DRC7: variants seen among roughly 807,000 people sequenced by gnomAD.
DRC7 encodes dynein regulatory complex subunit 7.
In DRC7, 80 loss-of-function variants were observed where a neutral mutation model predicts 104.4. That is an observed-to-expected ratio of 0.77 (90% CI 0.64 to 0.92). DRC7 has a LOEUF of 0.92. Ranked by LOEUF, DRC7 falls within the 40% of genes least tolerant of loss-of-function variation. The pLI, the probability that DRC7 is intolerant of heterozygous loss-of-function variation, is 0.00. For synonymous variants in DRC7, 405 were observed against 447.3 expected (o/e 0.91, Z 1.19); for missense variants, 1,034 against 1,141.1 (o/e 0.91, Z 1.35).
chr16:57,718,015 C>G (rs1327634936), intron 8 of DRC7, among the ~76,000 whole-genome samples: 1 of 152,240 alleles, frequency 6.6e-6, no homozygotes, highest in Non-Finnish European at 1.5e-5. Flanking sequence ...CTAAGCACTG[C>G]CCAGCCGATG....
chr16:57,715,193 AT>A (rs1257196632), intron 8 of DRC7, among the ~76,000 whole-genome samples: 2 of 152,100 alleles, frequency 1.3e-5, no homozygotes, highest in Non-Finnish European at 2.9e-5. Flanking sequence ...GATTACAGGC[AT>A]GCACTACCAC....
At chr16:57,706,474 C>T (rs2048729740) in intron 7 of DRC7, among the ~76,000 whole-genome samples, 1 of 144,290 alleles carries the variant, frequency 6.9e-6, no homozygotes, top group Admixed American at 6.9e-5. Context: ...ATCCATCCTC[C>T]CATCCATCCG....
chr16:57,730,834 T>C (rs2049053634), intron 17 of DRC7, 97 bp from the exon 18 acceptor site: 2 of 1,362,634 alleles, frequency 1.5e-6, no homozygotes, highest in Non-Finnish European at 2.0e-6. Flanking sequence ...GGGCCAACCG[T>C]CATGGTGCTG....
intron 6 of DRC7, among the ~76,000 whole-genome samples, chr16:57,703,235 T>C (rs1460911419): frequency 2.0e-5 from 3 of 146,400 alleles, no homozygotes; most frequent in Non-Finnish European, 3.0e-5. Flanking sequence ...AATCACCAAC[T>C]GTTCAGTGGC....
intron 8 of DRC7, among the ~76,000 whole-genome samples, chr16:57,715,672 C>T (rs2048835027): frequency 1.3e-5 from 2 of 152,230 alleles, no homozygotes; most frequent in African/African-American, 4.8e-5. Context: ...GGTAAGGAAA[C>T]TGAGGCCAAG....
intron 6 of DRC7, among the ~76,000 whole-genome samples, chr16:57,703,625 C>T (rs1223473881): frequency 6.6e-6 from 1 of 152,150 alleles, no homozygotes; most frequent in African/African-American, 2.4e-5. Flanking sequence ...CCCACCTCCC[C>T]AAGAGAAGAT....
At position 57,723,027 on chromosome 16, in the gene DRC7, G is replaced by A. The variant is rs1450953411; in HGVS notation, c.1434G>A (p.Glu478=). 2 of 1,613,940 alleles carry A rather than the reference G, an allele frequency of 1.2e-6. No individual in the cohort carries two copies. The highest frequency in any genetic ancestry group is 1.7e-6 in the Non-Finnish European group (2 of 1,180,008). Residue 478 remains glutamate (E), a synonymous_variant, in exon 12 of 19, where the codon GAG becomes GAA. Transcript: ENST00000360716. ...GTACCAATATTTTGGAGATAAAGGA[G>A]TGGTACCAGAACCGGGAAGACATGC... is the stretch of plus-strand genomic sequence containing the variant. The part of the protein sequence containing the change: ...LQCTNILEIK[E]WYQNREDMLE...
chr16:57,697,808 C>T, intron 2 of DRC7, 105 bp from the exon 3 acceptor site: 1 of 1,294,562 alleles, frequency 7.7e-7, no homozygotes, highest in Non-Finnish European at 1.1e-6. Context: ...TGTTCGACAC[C>T]TCCTCAAAAC....
At position 57,708,015 on chromosome 16, in the gene DRC7, C is replaced by T. The variant is rs572464857; in HGVS notation, c.1077+337C>T. On this transcript the variant is annotated intron_variant, in intron 8 of 18. Transcript: ENST00000360716. ...AGTGAAATCCCACAAATTTAACACA[C>T]CTTGGTTTCCTACACCCAGACCAAG... Among the ~76,000 whole-genome samples, 6 of 152,320 alleles carry T rather than the reference C, an allele frequency of 3.9e-5. No homozygotes were observed. In the South Asian group the frequency reaches 1.2e-3, roughly 32 times the overall value.
At chr16:57,729,526 ATGGATGGG>A (rs1209719126) in intron 17 of DRC7, among the ~76,000 whole-genome samples, 1 of 63,762 alleles carries the variant, frequency 1.6e-5, no homozygotes, top group African/African-American at 5.9e-5. Flanking sequence ...GGATGGATGG[ATGGATGGG>A]TGAGTGAGTG....
chr16:57,728,489 T>C lies in DRC7; in HGVS notation c.2296T>C (p.Cys766Arg), dbSNP rs2923147. The C allele has an allele frequency of 0.24, 387,483 of 1,611,372 alleles. 56,358 individuals carry two copies. Among genetic ancestry groups the C allele is most frequent in the African/African-American group, 0.66 (49,073 of 74,884 alleles). The stretch of plus-strand genomic sequence containing the variant: ...GCTCCCGCCAGGAGAGAAACTAACA[T>C]GCTGGCAGGCGGTGCGCCTCAAGGA... The part of the protein sequence containing the change: ...AQLPPGEKLT[C>R]WQAVRLKDEC... The change falls in exon 17 of 19, where the codon TGC becomes CGC. Residue 766 changes from cysteine (C) to arginine (R), a missense_variant. Cys to Arg is a radical substitution (Grantham distance 180, BLOSUM62 -3). Coordinates refer to ENST00000360716, the MANE Select transcript of DRC7 (RefSeq NM_001289162.2).
At chr16:57,722,086 C>CG (rs1407635766) in intron 10 of DRC7, among the ~76,000 whole-genome samples, 3 of 152,188 alleles carry the variant, frequency 2.0e-5, no homozygotes, top group African/African-American at 2.4e-5. Flanking sequence ...CCAGATGGTG[C>CG]GGGGGGTCTC....
intron 18 of DRC7, 39 bp downstream of exon 18, chr16:57,731,109 G>C: frequency 6.2e-7 from 1 of 1,613,694 alleles, no homozygotes; most frequent in Admixed American, 1.7e-5. Context: ...CCACTGGGAG[G>C]CTGGACCACC....
chr16:57,699,766 C>T (rs1179773852), intron 4 of DRC7, among the ~76,000 whole-genome samples: 4 of 152,162 alleles, frequency 2.6e-5, no homozygotes, highest in Non-Finnish European at 4.4e-5. Flanking sequence ...TCAGCCCTGA[C>T]TTGCTGGGTC....
At chr16:57,696,096 C>T (rs1392939416) in intron 1 of DRC7, among the ~76,000 whole-genome samples, 1 of 152,210 alleles carries the variant, frequency 6.6e-6, no homozygotes, top group African/African-American at 2.4e-5. Context: ...CTCTGGACCC[C>T]CATTTGCCGT....
intron 17 of DRC7, among the ~76,000 whole-genome samples, chr16:57,729,418 ATGGATGGATGGG>A (rs2049020135): frequency 9.3e-6 from 1 of 107,648 alleles, no homozygotes; most frequent in Admixed American, 9.8e-5. Context: ...GGATGGATGA[ATGGATGGATGGG>A]TGGATAGATG....
At chr16:57,699,071 G>A (rs111932726) in intron 4 of DRC7, 47 bp downstream of exon 4, 17 of 1,596,462 alleles carry the variant, frequency 1.1e-5, no homozygotes, top group East Asian at 2.2e-5. Flanking sequence ...TGGGGCTGGA[G>A]AGCAGAGGGC....
rs765605875 is a variant in DRC7, at chr16:57,697,957, T to A, written c.8T>A (p.Val3Asp). ME[V>D]LREKVEEEEE... is the part of the protein sequence containing the mutation. ...ACCCAGAGACGCTCCAGAATGGAGG[T>A]CCTGAGGGAGAAGGTGGAGGAGGAG... The change falls in exon 3 of 19, where the codon GTC becomes GAC. Residue 3 changes from valine (V) to aspartate (D), a missense_variant. Physicochemically the swap from Val to Asp is radical, Grantham distance 152. Coordinates refer to ENST00000360716, the MANE Select transcript of DRC7 (RefSeq NM_001289162.2). The A allele has an allele frequency of 6.2e-7, 1 of 1,610,020 alleles. No homozygotes were observed. Among genetic ancestry groups the A allele is most frequent in the Non-Finnish European group, 8.5e-7 (1 of 1,179,008 alleles).
intron 6 of DRC7, among the ~76,000 whole-genome samples, chr16:57,702,972 C>A (rs1007198465): frequency 1.3e-5 from 2 of 151,882 alleles, no homozygotes; most frequent in African/African-American, 4.8e-5. Context: ...CAACCTCAAC[C>A]TCCTGGACTC....
Sources: gnomAD v4.1 joint callset for allele counts (sites outside exome capture counted in the v4.1 genomes callset) on GRCh38, gnomAD v4.1.1 for gene constraint, MANE v1.5 for transcripts, NCBI Gene and HGNC (gene_info 2026-07-23, HGNC 2026-07-21) for gene names.